ACYP2: variants seen among roughly 807,000 people sequenced by gnomAD.
The protein encoded by ACYP2 is acylphosphatase 2, also known as acylphosphatase-2.
In ACYP2, 12 loss-of-function variants were observed where a neutral mutation model predicts 11.2. The ratio of observed to expected loss-of-function variants is 1.08; its 90% confidence interval spans 0.69 to 1.74. The LOEUF (loss-of-function observed/expected upper bound fraction) is 1.74, where lower values mean the gene tolerates loss of function less well. Ranked by LOEUF, ACYP2 falls within the 40% of genes most tolerant of loss-of-function variation. ACYP2 has a pLI of 0.00. For missense variants in ACYP2, 134 were observed against 101.9 expected (o/e 1.31, Z -1.35); for synonymous variants, 43 against 32.2 (o/e 1.33, Z -1.13).
chr2:54,033,339 A>G (rs1674694217), intron 2 of ACYP2, among the ~76,000 whole-genome samples: 1 of 150,758 alleles, frequency 6.6e-6, no homozygotes, highest in Non-Finnish European at 1.5e-5. Context: ...TTGGGACCCC[A>G]GTTGTGTGCC....
intron 4 of ACYP2, among the ~76,000 whole-genome samples, chr2:54,068,295 C>T (rs941877072): frequency 4.6e-5 from 7 of 152,156 alleles, no homozygotes; most frequent in African/African-American, 1.7e-4. Flanking sequence ...AAAGATCTAC[C>T]TTATAAAAGA....
chr2:54,253,003 A>G (rs1173756986), intron 6 of ACYP2, among the ~76,000 whole-genome samples: 1 of 152,164 alleles, frequency 6.6e-6, no homozygotes, highest in Non-Finnish European at 1.5e-5. Context: ...TCATGAGGTC[A>G]GGAGTTCAAG....
intron 4 of ACYP2, among the ~76,000 whole-genome samples, chr2:54,102,560 T>C (rs1324312280): frequency 6.8e-6 from 1 of 146,460 alleles, no homozygotes; most frequent in Non-Finnish European, 1.5e-5. Flanking sequence ...GACATCTTTG[T>C]TGTCTCTGAT....
chr2:54,211,911 T>C (rs1432402344), intron 6 of ACYP2, among the ~76,000 whole-genome samples: 1 of 152,088 alleles, frequency 6.6e-6, no homozygotes. Flanking sequence ...TTTCTGTCTC[T>C]CTCTCTCTCT....
chr2:54,148,329 A>G (rs1306385880), intron 6 of ACYP2, among the ~76,000 whole-genome samples: 1 of 152,194 alleles, frequency 6.6e-6, no homozygotes, highest in Non-Finnish European at 1.5e-5. Context: ...AATCTGTTAC[A>G]TCTTTCATAT....
chr2:54,095,700 G>A (rs1366280582), intron 4 of ACYP2, among the ~76,000 whole-genome samples: 2 of 130,240 alleles, frequency 1.5e-5, no homozygotes, highest in Admixed American at 7.2e-5. Context: ...GCGGCTGGCC[G>A]GGCAGAGGGG....
At chr2:53,987,170 C>G (rs945712664) in intron 2 of ACYP2, among the ~76,000 whole-genome samples, 3 of 152,112 alleles carry the variant, frequency 2.0e-5, no homozygotes, top group African/African-American at 7.2e-5. Context: ...AGTGGTCACA[C>G]CTGAGGGTAG....
chr2:54,223,421 C>G (rs72908756), intron 6 of ACYP2, among the ~76,000 whole-genome samples: 3 of 152,166 alleles, frequency 2.0e-5, no homozygotes, highest in Non-Finnish European at 4.4e-5. Context: ...CAGAATAAAT[C>G]TGGATATAAG....
intron 6 of ACYP2, among the ~76,000 whole-genome samples, chr2:54,143,698 C>T (rs1450370494): frequency 2.3e-5 from 3 of 129,754 alleles, no homozygotes; most frequent in Non-Finnish European, 4.6e-5. Flanking sequence ...TCCCAAAATG[C>T]TGGGATTACA....
chr2:54,050,330 G>C (rs1010222770), intron 2 of ACYP2, among the ~76,000 whole-genome samples: 2 of 151,938 alleles, frequency 1.3e-5, no homozygotes, highest in African/African-American at 2.4e-5. Context: ...GGTGGATCAT[G>C]TGAGGCCAGG....
intron 2 of ACYP2, among the ~76,000 whole-genome samples, chr2:53,982,827 A>AGTGTGT (rs1671834984): frequency 1.1e-5 from 1 of 91,720 alleles, no homozygotes; most frequent in African/African-American, 4.5e-5. Context: ...TTCACACAAG[A>AGTGTGT]CTGTGTGTGT....
At chr2:54,039,235 T>TTC (rs1675089044) in intron 2 of ACYP2, among the ~76,000 whole-genome samples, 1 of 148,020 alleles carries the variant, frequency 6.8e-6, no homozygotes, top group African/African-American at 2.5e-5. Context: ...TTTTTTTTTT[T>TTC]CCCCAGCCTA....
chr2:53,983,387 T>G (rs1280181356), intron 2 of ACYP2, among the ~76,000 whole-genome samples: 1 of 152,100 alleles, frequency 6.6e-6, no homozygotes, highest in Non-Finnish European at 1.5e-5. Flanking sequence ...GTGCCTGTAG[T>G]CCGAGCTACT....
At chr2:54,118,330 G>C (rs771578517) in intron 4 of ACYP2, among the ~76,000 whole-genome samples, 3 of 152,242 alleles carry the variant, frequency 2.0e-5, no homozygotes, top group Admixed American at 6.5e-5. Context: ...GTCCACTAGA[G>C]ACAAATGGCA....
chr2:53,993,110 G>T (rs1672386556), intron 2 of ACYP2, among the ~76,000 whole-genome samples: 2 of 152,174 alleles, frequency 1.3e-5, no homozygotes, highest in Admixed American at 1.3e-4. Flanking sequence ...GCAGGCTGAG[G>T]CACGAGAATC....
At chr2:54,221,547 G>T (rs1365564002) in intron 6 of ACYP2, among the ~76,000 whole-genome samples, 2 of 104,194 alleles carry the variant, frequency 1.9e-5, no homozygotes, top group Admixed American at 1.0e-4. Flanking sequence ...TTTAAACACG[G>T]TCTCTCTCTG....
intron 2 of ACYP2, among the ~76,000 whole-genome samples, chr2:54,033,304 C>G (rs532110733): frequency 4.8e-4 from 73 of 151,492 alleles, no homozygotes; most frequent in South Asian, 3.8e-3. Context: ...CATGAGCTAT[C>G]TTCCGACCTC....
chr2:54,091,221 T>C (rs919246494), intron 4 of ACYP2, among the ~76,000 whole-genome samples: 2 of 152,168 alleles, frequency 1.3e-5, no homozygotes, highest in Admixed American at 6.5e-5. Context: ...ACATCTAAAC[T>C]ATAACTAAGT....
intron 2 of ACYP2, among the ~76,000 whole-genome samples, chr2:54,036,863 CTG>C: frequency 6.6e-6 from 1 of 152,246 alleles, no homozygotes; most frequent in East Asian, 1.9e-4. Context: ...GGACACCCAA[CTG>C]TGGTGCTCTG....
Sources: gnomAD v4.1 joint callset for allele counts (sites outside exome capture counted in the v4.1 genomes callset) on GRCh38, gnomAD v4.1.1 for gene constraint, MANE v1.5 for transcripts, NCBI Gene and HGNC (gene_info 2026-07-23, HGNC 2026-07-21) for gene names.